Variants in FRMD4A observed in about 807,000 individuals in gnomAD.
The protein encoded by FRMD4A is FERM domain containing 4A, also known as FERM domain-containing protein 4A.
FRMD4A carries 29 observed loss-of-function variants against 129.1 expected under a neutral mutation model. The observed-to-expected ratio is 0.22, with a 90% CI of 0.17 to 0.31. The LOEUF (loss-of-function observed/expected upper bound fraction) is 0.31. Among genes scored for constraint, FRMD4A ranks in the 10% least tolerant of loss-of-function variants. FRMD4A has a pLI of 1.00. For synonymous variants in FRMD4A, 634 were observed against 571.6 expected (o/e 1.11, Z -1.56); for missense variants, 1,272 against 1,375.8 (o/e 0.92, Z 1.19).
In FRMD4A at chr10:13,939,922, C is replaced by T. The variant is rs146180992; in HGVS notation, c.46-81010G>A. On this transcript the variant is annotated intron_variant, in intron 2 of 24. Transcript: ENST00000357447. ...GCTTTCTAAAGTGCAAAGGGATACA[C>T]ATTTGTAAGGTGTATTAAGGTATTT... Among the ~76,000 whole-genome samples the T allele has an allele frequency of 3.3e-3, 497 of 152,294 alleles. 6 individuals are homozygous for T. The highest frequency in any genetic ancestry group is 0.011 in the African/African-American group (476 of 41,550).
At chr10:14,026,508 G>A (rs1159979367) in intron 2 of FRMD4A, among the ~76,000 whole-genome samples, 1 of 152,178 alleles carries the variant, frequency 6.6e-6, no homozygotes, top group African/African-American at 2.4e-5. Context: ...AATTAGAGCG[G>A]GTCCCACAGC....
intron 2 of FRMD4A, among the ~76,000 whole-genome samples, chr10:14,142,950 C>T (rs1239095877): frequency 6.6e-6 from 1 of 151,696 alleles, no homozygotes; most frequent in East Asian, 2.0e-4. Context: ...CAGTGAGATG[C>T]CACCTCACCT....
chr10:14,314,989 T>C (rs1846683862), intron 2 of FRMD4A, among the ~76,000 whole-genome samples: 1 of 152,160 alleles, frequency 6.6e-6, no homozygotes, highest in African/African-American at 2.4e-5. Context: ...CTCTCTGCTG[T>C]ACCTAACTCT....
intron 3 of FRMD4A, among the ~76,000 whole-genome samples, chr10:13,816,250 T>G (rs2093540534): frequency 6.6e-6 from 1 of 152,220 alleles, no homozygotes; most frequent in African/African-American, 2.4e-5. Flanking sequence ...AGAAAATAGA[T>G]CCCAGAAGAT....
chr10:14,113,643 A>C (rs1457493468), intron 2 of FRMD4A, among the ~76,000 whole-genome samples: 1 of 152,206 alleles, frequency 6.6e-6, no homozygotes, highest in African/African-American at 2.4e-5. Flanking sequence ...GATCCACTGT[A>C]CATAAAAAAG....
At chr10:13,867,035 A>T (rs1369113386) in intron 2 of FRMD4A, among the ~76,000 whole-genome samples, 2 of 152,172 alleles carry the variant, frequency 1.3e-5, no homozygotes, top group Non-Finnish European at 1.5e-5. Flanking sequence ...ATCATCTCAC[A>T]TGGTTACTTT....
chr10:14,095,911 G>T (rs1836932284), intron 2 of FRMD4A, among the ~76,000 whole-genome samples: 2 of 152,284 alleles, frequency 1.3e-5, no homozygotes, highest in South Asian at 4.1e-4. Context: ...ACCAGAAGAT[G>T]AACAGGAAGA....
At chr10:14,028,940 G>T (rs1006394771) in intron 2 of FRMD4A, among the ~76,000 whole-genome samples, 1 of 152,152 alleles carries the variant, frequency 6.6e-6, no homozygotes, top group Non-Finnish European at 1.5e-5. Context: ...GTAAATTTCT[G>T]TTGGAAAAAA....
chr10:13,982,126 A>G (rs1439972171), intron 2 of FRMD4A, among the ~76,000 whole-genome samples: 2 of 152,114 alleles, frequency 1.3e-5, no homozygotes, highest in African/African-American at 2.4e-5. Flanking sequence ...AAAGCCAGCC[A>G]TAAAACCTAA....
rs185158515 is a variant in FRMD4A, at chr10:13,988,190, T to A, written c.46-129278A>T. On this transcript the variant is annotated intron_variant, in intron 2 of 24. Transcript: ENST00000357447. ...TCCATGCAGAACACTTCTTTAGTAT[T>A]ATACACAACCGTAAAGACTCCCATT... Among the ~76,000 whole-genome samples the A allele has an allele frequency of 3.0e-3, 457 of 152,348 alleles. 2 individuals are homozygous for A. Among genetic ancestry groups the A allele is most frequent in the Admixed American group, 5.3e-3 (81 of 15,302 alleles).
chr10:14,249,659 A>T (rs1331729681), intron 2 of FRMD4A, among the ~76,000 whole-genome samples: 1 of 152,242 alleles, frequency 6.6e-6, no homozygotes, highest in African/African-American at 2.4e-5. Context: ...ATCCTCATAG[A>T]TATGCAAAAC....
intron 3 of FRMD4A, among the ~76,000 whole-genome samples, chr10:13,830,843 T>A (rs1221396911): frequency 6.6e-6 from 1 of 152,128 alleles, no homozygotes; most frequent in East Asian, 1.9e-4. Context: ...AGGCAGGAGT[T>A]CAATGGCACA....
At chr10:13,884,650 G>A (rs182383041) in intron 2 of FRMD4A, among the ~76,000 whole-genome samples, 4 of 152,134 alleles carry the variant, frequency 2.6e-5, no homozygotes, top group African/African-American at 4.8e-5. Context: ...TCCAGGACTC[G>A]CTGGAGACCC....
At chr10:14,257,433 TCA>T (rs1371609430) in intron 2 of FRMD4A, among the ~76,000 whole-genome samples, 5 of 152,092 alleles carry the variant, frequency 3.3e-5, no homozygotes, top group Admixed American at 2.6e-4. Context: ...ATGAACCAAA[TCA>T]CAGAGTATAA....
At chr10:14,150,618 A>G (rs1840293655) in intron 2 of FRMD4A, among the ~76,000 whole-genome samples, 1 of 152,110 alleles carries the variant, frequency 6.6e-6, no homozygotes, top group Admixed American at 6.5e-5. Flanking sequence ...TTCTTTATTA[A>G]TTAAAGACCT....
intron 2 of FRMD4A, among the ~76,000 whole-genome samples, chr10:14,102,137 T>C (rs1837338383): frequency 6.6e-6 from 1 of 152,156 alleles, no homozygotes; most frequent in Non-Finnish European, 1.5e-5. Context: ...GGTCCATAGA[T>C]TGGAAGATTC....
At chr10:14,274,214 G>T (rs757729424) in intron 2 of FRMD4A, among the ~76,000 whole-genome samples, 28 of 152,166 alleles carry the variant, frequency 1.8e-4, no homozygotes, top group Non-Finnish European at 3.5e-4. Context: ...CTCAGGCCTG[G>T]GGCAGCCACC....
At position 13,942,666 on chromosome 10, in the gene FRMD4A, G is replaced by C. The variant is rs1169309597; in HGVS notation, c.46-83754C>G. Among the ~76,000 whole-genome samples, 8 of 152,344 alleles carry C rather than the reference G, an allele frequency of 5.3e-5. No individual in the cohort carries two copies. In the East Asian group the frequency reaches 1.5e-3, roughly 29 times the overall value. On this transcript the variant is annotated intron_variant, in intron 2 of 24. Transcript: ENST00000357447. Reference sequence around the variant, plus strand: ...AAAAAGAGATCTAGCCAGGCGTGGTGGCTCGCACCTGTAATCCCAGCACTT... The same window carrying C: ...AAAAAGAGATCTAGCCAGGCGTGGTCGCTCGCACCTGTAATCCCAGCACTT...
chr10:13,689,206 G>GGGGGGGGGGT (rs2085416414), intron 15 of FRMD4A, among the ~76,000 whole-genome samples: 1 of 6,566 alleles, frequency 1.5e-4, no homozygotes, highest in Non-Finnish European at 4.3e-4. Flanking sequence ...TGCGGGGGGG[G>GGGGGGGGGGT]GGGGGGGGGG....
Sources: gnomAD v4.1 joint callset for allele counts (sites outside exome capture counted in the v4.1 genomes callset) on GRCh38, gnomAD v4.1.1 for gene constraint, MANE v1.5 for transcripts, NCBI Gene and HGNC (gene_info 2026-07-23, HGNC 2026-07-21) for gene names.